GALNT18: variants seen among roughly 807,000 people sequenced by gnomAD.
The protein encoded by GALNT18 is GalNAc-transferase 18.
In GALNT18, 44 loss-of-function variants were observed where a neutral mutation model predicts 69.5. The ratio of observed to expected loss-of-function variants is 0.63; its 90% confidence interval spans 0.50 to 0.81. The LOEUF is 0.81. Ranked by LOEUF, GALNT18 falls within the 40% of genes least tolerant of loss-of-function variation. The pLI is 0.00. For missense variants in GALNT18, 715 were observed against 810.0 expected (o/e 0.88, Z 1.42); for synonymous variants, 364 against 318.2 (o/e 1.14, Z -1.53).
rs1292565561 is a variant in GALNT18 at position 11,483,077 on chromosome 11, A to C, written c.236-34141T>G. 2.0e-4 allele frequency among the ~76,000 whole-genome samples: 30 copies of C among 152,208 alleles called. 1 individual carries two copies. The highest frequency in any genetic ancestry group is 2.0e-3 in the Admixed American group (30 of 15,284). On this transcript the variant is annotated intron_variant, in intron 1 of 10. Coordinates refer to ENST00000227756, the MANE Select transcript of GALNT18 (RefSeq NM_198516.3). The stretch of plus-strand genomic sequence containing the variant: ...TCAGGATTCTCCCCTTTAAACCATA[A>C]GAAGCTATGGGTTTGCCAGTCTGAA...
intron 1 of GALNT18, among the ~76,000 whole-genome samples, chr11:11,529,029 C>T (rs11021901): frequency 0.23 from 34,829 of 152,042 alleles, 4,484 homozygotes; most frequent in Non-Finnish European, 0.27. Flanking sequence ...GCTCCATGGT[C>T]GAATGACTAA....
chr11:11,455,290 G>A (rs538873674), intron 1 of GALNT18, among the ~76,000 whole-genome samples: 4 of 152,292 alleles, frequency 2.6e-5, no homozygotes, highest in African/African-American at 9.6e-5. Context: ...AGTGGGAAGA[G>A]CAAATATATA....
chr11:11,363,352 G>T (rs1307513317), intron 6 of GALNT18, among the ~76,000 whole-genome samples: 1 of 152,158 alleles, frequency 6.6e-6, no homozygotes. Flanking sequence ...CAACCGTACA[G>T]AGAGGAACAC....
chr11:11,423,187 C>T (rs1015030563), intron 3 of GALNT18, among the ~76,000 whole-genome samples: 2 of 148,590 alleles, frequency 1.3e-5, no homozygotes, highest in African/African-American at 4.9e-5. Flanking sequence ...CACACATGCA[C>T]ACACACACTT....
rs115994435 is a variant in GALNT18, at chr11:11,530,895, G to A, written c.236-81959C>T. On this transcript the variant is annotated intron_variant, in intron 1 of 10. Transcript: ENST00000227756. ...ACTAGCAGGATTGGAAAAGAGCAGA[G>A]CCAAGGAGGTAGGGTCAAGTGGGAG... Among the ~76,000 whole-genome samples the A allele has an allele frequency of 1.1e-3, 175 of 152,336 alleles. 1 individual carries two copies. The highest frequency in any genetic ancestry group is 3.9e-3 in the African/African-American group (161 of 41,574).
At chr11:11,359,623 G>T (rs1296986812) in intron 6 of GALNT18, among the ~76,000 whole-genome samples, 1 of 152,144 alleles carries the variant, frequency 6.6e-6, no homozygotes, top group Non-Finnish European at 1.5e-5. Flanking sequence ...GTCCAGTGAG[G>T]ACATTGTGTA....
At position 11,500,491 on chromosome 11, in the gene GALNT18, T is replaced by C. The variant is rs1856952348; in HGVS notation, c.236-51555A>G. Among the ~76,000 whole-genome samples, 1 of 152,120 alleles carries C rather than the reference T, an allele frequency of 6.6e-6. No individual in the cohort carries two copies. The highest frequency in any genetic ancestry group is 1.5e-5 in the Non-Finnish European group (1 of 68,022). Reference sequence around the variant, plus strand: ...GATCAGCAGCCATGTCTGGAGATGTTTTTGGTTGTCACATCGTGGTGGGTG... The same window carrying C: ...GATCAGCAGCCATGTCTGGAGATGTCTTTGGTTGTCACATCGTGGTGGGTG... On this transcript the variant is annotated intron_variant, in intron 1 of 10. Transcript: ENST00000227756. This position sits in a 1 kb window ranked among gnomAD's most constrained non-coding sequence, Gnocchi z 5.0.
rs538851197 is a variant in GALNT18 at position 11,372,196 on chromosome 11, G to A, written c.1092+319C>T. Among the ~76,000 whole-genome samples the A allele has an allele frequency of 4.6e-5, 7 of 152,316 alleles. No individual in the cohort carries two copies. The South Asian group carries it at 1.5e-3, about 32-fold the overall frequency. On this transcript the variant is annotated intron_variant, in intron 6 of 10. Coordinates refer to ENST00000227756, the MANE Select transcript of GALNT18 (RefSeq NM_198516.3). The surrounding 1 kb of genome is among the most constrained non-coding windows in gnomAD (Gnocchi z 4.9). ...TCTTGTCCAGCCACTCTCGATGCCT[G>A]TTATTGCTTCCTAGAGCACACCTTT...
chr11:11,325,395 A>T (rs550986319), intron 9 of GALNT18, among the ~76,000 whole-genome samples: 1 of 152,338 alleles, frequency 6.6e-6, no homozygotes, highest in Admixed American at 6.5e-5. Flanking sequence ...ATAAAAGAGT[A>T]CATACTGGGT....
At position 11,621,524 on chromosome 11, in the gene GALNT18, T is replaced by A. The variant is rs749967681; in HGVS notation, c.70A>T (p.Ile24Phe). 8 of 1,613,922 alleles carry A rather than the reference T, an allele frequency of 5.0e-6. No individual in the cohort carries two copies. The East Asian group carries it at 1.3e-4, about 27-fold the overall frequency. The part of the protein sequence containing the change: ...CVILSGMTNI[I>F]CLLYVGWVTN... ...ACCCAGCCCACGTAGAGCAGGCAGA[T>A]GATGTTAGTCATGCCGCTCAGGATC... Residue 24 changes from isoleucine to phenylalanine, a missense_variant, in exon 1 of 11, where the codon ATC (isoleucine) becomes TTC (phenylalanine). By Grantham distance (21) the Ile-to-Phe change is conservative. Coordinates refer to ENST00000227756, the MANE Select transcript of GALNT18 (RefSeq NM_198516.3). This position sits in a 1 kb window ranked among gnomAD's most constrained non-coding sequence, Gnocchi z 9.3.
At chr11:11,329,941 A>T (rs557507662) in intron 8 of GALNT18, among the ~76,000 whole-genome samples, 1 of 58,008 alleles carries the variant, frequency 1.7e-5, no homozygotes, top group Non-Finnish European at 3.8e-5. Flanking sequence ...GGTTTTGCAC[A>T]TTGTCAAGTT....
chr11:11,348,519 C>A (rs1321344591), intron 6 of GALNT18, among the ~76,000 whole-genome samples: 4 of 151,950 alleles, frequency 2.6e-5, no homozygotes, highest in Admixed American at 2.0e-4. Flanking sequence ...GTGGAGATAA[C>A]CTCCCTCCAA....
chr11:11,574,677 A>G (rs1858875697), intron 1 of GALNT18, among the ~76,000 whole-genome samples: 1 of 152,190 alleles, frequency 6.6e-6, no homozygotes, highest in East Asian at 1.9e-4. Flanking sequence ...GAAGCAAAAG[A>G]CACTCTGGGT....
chr11:11,305,315 A>C (rs1849560730), intron 9 of GALNT18, among the ~76,000 whole-genome samples: 1 of 152,212 alleles, frequency 6.6e-6, no homozygotes, highest in South Asian at 2.1e-4. Flanking sequence ...ACAGACACGC[A>C]GTAGGGCCCA....
rs148702848 is a variant in GALNT18 at position 11,402,369 on chromosome 11, T to A, written c.596-23105A>T. On this transcript the variant is annotated intron_variant, in intron 3 of 10. Coordinates refer to ENST00000227756, the MANE Select transcript of GALNT18 (RefSeq NM_198516.3). The surrounding 1 kb of genome is among the most constrained non-coding windows in gnomAD (Gnocchi z 4.0). ...CATTGTGGGCGTAGACATGTTTTAA[T>A]CCATGATGACAGCTTGTCTTCAATC... Among the ~76,000 whole-genome samples, 113 of 152,372 alleles carry A rather than the reference T, an allele frequency of 7.4e-4. No homozygotes were observed. Among genetic ancestry groups the A allele is most frequent in the African/African-American group, 2.6e-3 (107 of 41,590 alleles).
intron 9 of GALNT18, among the ~76,000 whole-genome samples, chr11:11,324,715 T>G (rs191456970): frequency 3.7e-4 from 56 of 152,314 alleles, no homozygotes; most frequent in South Asian, 1.0e-3. Context: ...TTTTGAGAAT[T>G]GTCTATTCAT....
chr11:11,394,479 C>T (rs1854274878), intron 3 of GALNT18, among the ~76,000 whole-genome samples: 1 of 152,154 alleles, frequency 6.6e-6, no homozygotes, highest in South Asian at 2.1e-4. Context: ...GGATTCCTCC[C>T]ACCTAAAGGT....
chr11:11,435,107 T>C lies in GALNT18; in HGVS notation c.429-2320A>G, dbSNP rs1377448095. Among the ~76,000 whole-genome samples, 2 of 152,258 alleles carry C rather than the reference T, an allele frequency of 1.3e-5. No homozygotes were observed. The highest frequency in any genetic ancestry group is 2.4e-5 in the African/African-American group (1 of 41,476). On this transcript the variant is annotated intron_variant, in intron 2 of 10. Coordinates refer to ENST00000227756, the MANE Select transcript of GALNT18 (RefSeq NM_198516.3). This position sits in a 1 kb window ranked among gnomAD's most constrained non-coding sequence, Gnocchi z 4.4. ...GGCCAATGGATTGGCACAAGTTCAC[T>C]GTCCTCCCTACTAAAACTCCACCAG...
chr11:11,572,738 C>T (rs939225116), intron 1 of GALNT18, among the ~76,000 whole-genome samples: 2 of 152,198 alleles, frequency 1.3e-5, no homozygotes, highest in Non-Finnish European at 2.9e-5. Context: ...TCGCAACCCT[C>T]GCCTTCCTGC....
Sources: gnomAD v4.1 joint callset for allele counts (sites outside exome capture counted in the v4.1 genomes callset) on GRCh38, gnomAD v4.1.1 for gene constraint, Gnocchi (gnomAD v3.1) non-coding constraint, MANE v1.5 for transcripts, NCBI Gene and HGNC (gene_info 2026-07-23, HGNC 2026-07-21) for gene names.